Variants in DLG2 observed in about 807,000 individuals in gnomAD.
The protein encoded by DLG2 is disks large homolog 2.
Under a neutral mutation model 132.5 loss-of-function variants are expected in DLG2, and 45 were observed. The observed-to-expected ratio is 0.34, with a 90% CI of 0.27 to 0.44. The LOEUF (loss-of-function observed/expected upper bound fraction) is 0.44. DLG2 is among the 20% of genes least tolerant of loss of function. DLG2 has a pLI of 1.00. For missense variants in DLG2, 1,045 were observed against 1,196.9 expected (o/e 0.87, Z 1.87); for synonymous variants, 424 against 419.6 (o/e 1.01, Z -0.13).
chr11:83,480,560 TA>T, intron 22 of DLG2: 16 of 1,541,164 alleles, frequency 1.0e-5, no homozygotes, highest in Non-Finnish European at 1.4e-5. Context: ...AAAACTCAGA[TA>T]AGATAAAGAA....
intron 6 of DLG2, among the ~76,000 whole-genome samples, chr11:85,033,824 GA>G (rs1438576599): frequency 6.6e-6 from 1 of 152,144 alleles, no homozygotes; most frequent in East Asian, 1.9e-4. Context: ...CTGATATTCA[GA>G]TGATGTATTA....
At chr11:84,016,387 C>T (rs1326719086) in intron 11 of DLG2, among the ~76,000 whole-genome samples, 1 of 152,070 alleles carries the variant, frequency 6.6e-6, no homozygotes, top group Non-Finnish European at 1.5e-5. Flanking sequence ...GCATTTGTTG[C>T]AATTACTTTT....
chr11:84,547,611 A>C (rs80033395), intron 6 of DLG2, among the ~76,000 whole-genome samples: 3 of 152,216 alleles, frequency 2.0e-5, no homozygotes, highest in South Asian at 2.1e-4. Context: ...TCAACCTTCA[A>C]AACTTAGTTG....
chr11:85,047,105 T>C (rs558709955), intron 6 of DLG2, among the ~76,000 whole-genome samples: 35 of 151,986 alleles, frequency 2.3e-4, no homozygotes, highest in Non-Finnish European at 2.6e-4. Context: ...TTTCTTCTTC[T>C]ACACAATTTC....
At chr11:83,665,946 C>T (rs2075430111) in intron 18 of DLG2, among the ~76,000 whole-genome samples, 1 of 152,074 alleles carries the variant, frequency 6.6e-6, no homozygotes, top group Non-Finnish European at 1.5e-5. Flanking sequence ...TATCACATTC[C>T]ACGGGAATTT....
chr11:83,800,340 A>T (rs1235192620), intron 17 of DLG2, among the ~76,000 whole-genome samples: 2 of 152,226 alleles, frequency 1.3e-5, no homozygotes, highest in Non-Finnish European at 2.9e-5. Context: ...TTCTATGCTC[A>T]AAATGTATTT....
intron 6 of DLG2, among the ~76,000 whole-genome samples, chr11:84,929,398 T>C (rs2047835567): frequency 6.6e-6 from 1 of 151,970 alleles, no homozygotes; most frequent in African/African-American, 2.4e-5. Flanking sequence ...ACATAACATA[T>C]GATATAAAGA....
chr11:83,928,140 A>T (rs1439219597), intron 15 of DLG2, among the ~76,000 whole-genome samples: 4 of 152,104 alleles, frequency 2.6e-5, no homozygotes, highest in Non-Finnish European at 5.9e-5. Context: ...GGAAAAAGAA[A>T]AAAAGAAGGA....
At chr11:84,769,558 G>A (rs2068944219) in intron 6 of DLG2, among the ~76,000 whole-genome samples, 1 of 152,084 alleles carries the variant, frequency 6.6e-6, no homozygotes, top group South Asian at 2.1e-4. Flanking sequence ...CATATTTCAG[G>A]AAATAATTCA....
Position 84,600,961 on chromosome 11 carries a change from G to T in DLG2, c.358-66230C>A, listed in dbSNP as rs539672752. ...TCAAAGGATAAATGGCTTAACACAA[G>T]GTAAAAATAAAAGCTTACAGTAGAG... On this transcript the variant is annotated intron_variant, in intron 6 of 27. Transcript: ENST00000376104. Among the ~76,000 whole-genome samples, 5 of 152,090 alleles carry T rather than the reference G, an allele frequency of 3.3e-5. No homozygotes were observed. In the East Asian group the frequency reaches 9.7e-4, roughly 29 times the overall value.
intron 17 of DLG2, among the ~76,000 whole-genome samples, chr11:83,794,297 G>C (rs541915927): frequency 2.6e-5 from 4 of 152,128 alleles, no homozygotes; most frequent in Admixed American, 2.0e-4. Flanking sequence ...AGATCACTTT[G>C]ATTCTTATTT....
At chr11:83,619,400 A>C (rs1028470606) in intron 19 of DLG2, among the ~76,000 whole-genome samples, 1 of 152,216 alleles carries the variant, frequency 6.6e-6, no homozygotes, top group African/African-American at 2.4e-5. Context: ...GTATTTCTAG[A>C]AGCCATGGAA....
At chr11:83,783,119 T>C (rs1326318511) in intron 18 of DLG2, among the ~76,000 whole-genome samples, 2 of 152,160 alleles carry the variant, frequency 1.3e-5, no homozygotes, top group African/African-American at 4.8e-5. Context: ...CATGATAAAA[T>C]TGAATTTTAA....
At chr11:84,566,940 A>C (rs968800696) in intron 6 of DLG2, among the ~76,000 whole-genome samples, 3 of 152,214 alleles carry the variant, frequency 2.0e-5, no homozygotes, top group Non-Finnish European at 4.4e-5. Context: ...AGGACAATGC[A>C]AAACACAGCT....
intron 6 of DLG2, among the ~76,000 whole-genome samples, chr11:84,838,431 T>C (rs2080113830): frequency 1.3e-5 from 2 of 150,526 alleles, no homozygotes; most frequent in South Asian, 4.2e-4. Flanking sequence ...CCATGTTGCA[T>C]CTATCAAATA....
At chr11:84,300,254 A>T (rs956185733) in intron 7 of DLG2, among the ~76,000 whole-genome samples, 3 of 152,188 alleles carry the variant, frequency 2.0e-5, no homozygotes, top group Non-Finnish European at 4.4e-5. Flanking sequence ...ACTCTTCTGC[A>T]AACTGTCTAC....
At chr11:84,282,651 G>C (rs1467518671) in intron 7 of DLG2, among the ~76,000 whole-genome samples, 5 of 152,000 alleles carry the variant, frequency 3.3e-5, no homozygotes, top group Admixed American at 3.3e-4. Flanking sequence ...AGAGGGGTTG[G>C]GGGAGAAAAA....
intron 7 of DLG2, among the ~76,000 whole-genome samples, chr11:84,280,867 ATTTTTTTT>A (rs35970331): frequency 1.5e-4 from 10 of 67,704 alleles, no homozygotes; most frequent in South Asian, 7.1e-4. Context: ...TGCCCAGCCA[ATTTTTTTT>A]TTTTTTTTTT....
chr11:83,995,905 T>C (rs1231119817), intron 11 of DLG2, among the ~76,000 whole-genome samples: 4 of 152,168 alleles, frequency 2.6e-5, no homozygotes, highest in African/African-American at 7.2e-5. Flanking sequence ...TTCTATGACA[T>C]TGGTTTGGGC....
Sources: allele counts gnomAD v4.1 joint callset (sites outside exome capture counted in the v4.1 genomes callset), GRCh38; gene constraint gnomAD v4.1.1; transcripts MANE v1.5; gene names NCBI Gene and HGNC (gene_info 2026-07-23, HGNC 2026-07-21).